The following GRHL2 variants were observed in gnomAD, a reference collection of about 807,000 sequenced individuals.
The protein encoded by GRHL2 is grainyhead like transcription factor 2.
In GRHL2, 21 loss-of-function variants were observed where a neutral mutation model predicts 83.8. The ratio of observed to expected loss-of-function variants is 0.25; its 90% CI spans 0.18 to 0.36. GRHL2 has a LOEUF of 0.36. Among genes scored for constraint, GRHL2 ranks in the 10% least tolerant of loss-of-function variants. The pLI is 1.00. For synonymous variants in GRHL2, 280 were observed against 278.9 expected, an observed-to-expected ratio of 1.00 and a Z score of -0.04; for missense variants, 623 against 781.8, an observed-to-expected ratio of 0.80 and a Z score of 2.42.
chr8:101,492,513 C>G lies in GRHL2; in HGVS notation c.-257C>G. 1 of 600,362 alleles carries G rather than the reference C, an allele frequency of 1.7e-6. No homozygotes were observed. The highest frequency in any genetic ancestry group is 2.0e-5 in the South Asian group (1 of 51,170). The allele number at this position is 600,362 out of a possible 1,614,324, so 37.2% of individuals were successfully genotyped here. A position where few individuals can be genotyped will look rare whatever the true frequency, so the allele number is the denominator to read the frequency against. On this transcript the variant is annotated 5_prime_UTR_variant, in exon 1 of 16. Coordinates refer to ENST00000646743, the MANE Select transcript of GRHL2 (RefSeq NM_024915.4). ...TGCCCATTGCCACGATCCAGGAGGA[C>G]TCCGCGCCGCCCGGCCGCCTCCGAG...
intron 13 of GRHL2, among the ~76,000 whole-genome samples, chr8:101,645,876 TA>T (rs983679863): frequency 1.1e-4 from 17 of 152,170 alleles, no homozygotes; most frequent in South Asian, 2.1e-4. Flanking sequence ...AAAATTTCTT[TA>T]AAAAAAATTT....
At chr8:101,556,383 T>C (rs1811489336) in intron 3 of GRHL2, among the ~76,000 whole-genome samples, 1 of 152,184 alleles carries the variant, frequency 6.6e-6, no homozygotes, top group Admixed American at 6.5e-5. Flanking sequence ...GCAAAAGATG[T>C]ATTTTCTCTC....
chr8:101,674,611 C>A (rs1814263699), downstream of GRHL2, among the ~76,000 whole-genome samples: 1 of 152,106 alleles, frequency 6.6e-6, no homozygotes, highest in Non-Finnish European at 1.5e-5. Context: ...GGATTCATAG[C>A]CGAATTCTAC....
At chr8:101,612,536 C>CATA (rs1812774472) in intron 8 of GRHL2, among the ~76,000 whole-genome samples, 1 of 149,304 alleles carries the variant, frequency 6.7e-6, no homozygotes, top group African/African-American at 2.5e-5. Context: ...TACATACATA[C>CATA]ATACATACAT....
At chr8:101,522,047 G>C (rs1310915008) in intron 1 of GRHL2, among the ~76,000 whole-genome samples, 1 of 152,078 alleles carries the variant, frequency 6.6e-6, no homozygotes, top group Non-Finnish European at 1.5e-5. Flanking sequence ...TTGTAATTTT[G>C]GTTTTGTCCT....
intron 8 of GRHL2, among the ~76,000 whole-genome samples, chr8:101,616,876 G>A (rs924514672): frequency 2.0e-5 from 3 of 152,176 alleles, no homozygotes; most frequent in Non-Finnish European, 2.9e-5. Context: ...ATGAATTAAA[G>A]AAATGAATGA....
chr8:101,594,069 CAAAAAAAA>C (rs534396520), intron 7 of GRHL2, among the ~76,000 whole-genome samples: 5 of 49,106 alleles, frequency 1.0e-4, no homozygotes, highest in African/African-American at 4.4e-4. Flanking sequence ...GAGTCTGTAT[CAAAAAAAA>C]AAAAAAAAAA....
At position 101,624,563 on chromosome 8, in the gene GRHL2, G is replaced by GTTC. The variant is rs1554593690; in HGVS notation, c.1257+4866_1257+4867insTTC. 3.4e-4 allele frequency among the ~76,000 whole-genome samples: 10 copies of GTTC among 29,822 alleles called. 1 individual carries two copies. In the Admixed American group the frequency reaches 3.9e-3, roughly 12 times the overall value. The allele number at this position is 29,822 out of a possible 152,430, so 19.6% of individuals were successfully genotyped here. A position where few individuals can be genotyped will look rare whatever the true frequency, so the allele number is the denominator to read the frequency against. ...TACACAGTAGGACAGTACACAGTAGGACAGTACACAGTAGAACAGTTCACA... is the reference window on the plus strand; with the variant it reads ...TACACAGTAGGACAGTACACAGTAGGTTCACAGTACACAGTAGAACAGTTCACA... On this transcript the variant is annotated intron_variant, in intron 9 of 15. Transcript: ENST00000646743.
chr8:101,635,238 A>G (rs1813263166), intron 11 of GRHL2, among the ~76,000 whole-genome samples: 1 of 152,206 alleles, frequency 6.6e-6, no homozygotes, highest in Non-Finnish European at 1.5e-5. Context: ...ATTTTTATTT[A>G]TGATAAAGTC....
intron 4 of GRHL2, among the ~76,000 whole-genome samples, chr8:101,559,789 T>C (rs1811570838): frequency 6.6e-6 from 1 of 152,192 alleles, no homozygotes; most frequent in African/African-American, 2.4e-5. Flanking sequence ...AATCTAGGTA[T>C]AGAAAGTTCC....
chr8:101,666,140 A>G (rs562463831), intron 15 of GRHL2, among the ~76,000 whole-genome samples: 2 of 152,220 alleles, frequency 1.3e-5, no homozygotes, highest in Non-Finnish European at 2.9e-5. Flanking sequence ...TACATGCTCA[A>G]AAAAGGGTAG....
At chr8:101,603,788 A>G (rs935972447) in intron 8 of GRHL2, among the ~76,000 whole-genome samples, 4 of 152,124 alleles carry the variant, frequency 2.6e-5, no homozygotes, top group Non-Finnish European at 4.4e-5. Context: ...AGCCTGTGTA[A>G]TGTGAACAGG....
intron 1 of GRHL2, among the ~76,000 whole-genome samples, chr8:101,514,465 C>A (rs1391702091): frequency 1.3e-5 from 2 of 152,184 alleles, no homozygotes; most frequent in East Asian, 1.9e-4. Flanking sequence ...AAGCCCAGCC[C>A]AAGGGCTGGA....
At chr8:101,629,292 G>A (rs895077712) in intron 9 of GRHL2, among the ~76,000 whole-genome samples, 1 of 148,340 alleles carries the variant, frequency 6.7e-6, no homozygotes, top group Non-Finnish European at 1.5e-5. Context: ...ACTTGCTAAA[G>A]CCTCAGTGTG....
At chr8:101,616,918 T>C (rs182940838) in intron 8 of GRHL2, among the ~76,000 whole-genome samples, 1 of 152,352 alleles carries the variant, frequency 6.6e-6, no homozygotes, top group East Asian at 1.9e-4. Context: ...TTAGATCATC[T>C]TTTTTTAAAA....
Position 101,558,587 on chromosome 8 carries a change from G to T in GRHL2, c.453G>T (p.Pro151=), listed in dbSNP as rs778051979. Residue 151 remains proline (P), a synonymous_variant, in exon 4 of 16, where the codon CCG becomes CCT. Transcript: ENST00000646743. The part of the protein sequence containing the change: ...ISFPESSAII[P]VSGITVVKAE... Reference sequence around the variant, plus strand: ...TCCCCGAGAGCTCTGCCATCATCCCGGTGTCGGGAATCACGGTGGTGAAAG... The same window carrying T: ...TCCCCGAGAGCTCTGCCATCATCCCTGTGTCGGGAATCACGGTGGTGAAAG... 6.2e-7 allele frequency: 1 copy of T among 1,614,098 alleles called. No individual in the cohort carries two copies. The highest frequency in any genetic ancestry group is 8.5e-7 in the Non-Finnish European group (1 of 1,180,028).
chr8:101,579,723 A>G (rs1812010335), intron 7 of GRHL2, among the ~76,000 whole-genome samples: 1 of 152,186 alleles, frequency 6.6e-6, no homozygotes, highest in Non-Finnish European at 1.5e-5. Context: ...TGGGTTGTAA[A>G]CACTATTTCC....
intron 7 of GRHL2, among the ~76,000 whole-genome samples, chr8:101,585,714 A>G: frequency 6.6e-6 from 1 of 152,268 alleles, no homozygotes; most frequent in East Asian, 1.9e-4. Context: ...GTTATGTGAT[A>G]AAAGTACGGT....
At chr8:101,586,065 C>CT (rs67985027) in intron 7 of GRHL2, among the ~76,000 whole-genome samples, 1,473 of 94,024 alleles carry the variant, frequency 0.016, 165 homozygotes, top group African/African-American at 0.057. Flanking sequence ...CCTCATGTTT[C>CT]TTTTTTTTTT....
Sources: gnomAD v4.1 joint callset for allele counts (sites outside exome capture counted in the v4.1 genomes callset) on GRCh38, gnomAD v4.1.1 for gene constraint, MANE v1.5 for transcripts, NCBI Gene and HGNC (gene_info 2026-07-23, HGNC 2026-07-21) for gene names.